The following DAG1 variants were observed in gnomAD, a reference collection of about 807,000 sequenced individuals.
DAG1 encodes the protein dystroglycan 1.
Under a neutral mutation model 46.1 loss-of-function variants are expected in DAG1, and 8 were observed. That is an observed-to-expected ratio of 0.17 (90% CI 0.10 to 0.31). DAG1 has a LOEUF of 0.31. DAG1 is among the 10% of genes least tolerant of loss of function. The pLI is 1.00. For synonymous variants in DAG1, 495 were observed against 481.8 expected (o/e 1.03, Z -0.36); for missense variants, 1,003 against 1,189.9 (o/e 0.84, Z 2.31).
In DAG1 at chr3:49,532,656, C is replaced by T. The variant is rs911089189; in HGVS notation, c.2145C>T (p.His715=). 4.3e-6 allele frequency: 7 copies of T among 1,614,038 alleles called. No homozygotes were observed. The African/African-American group carries it at 5.3e-5, about 12-fold the overall frequency. ...ITVTGSGSCR[H]LQFIPVVPPR... is the part of the protein sequence containing the mutation. Reference sequence around the variant, plus strand: ...TGACGGGCTCTGGCAGTTGTCGGCACCTACAGTTTATCCCTGTGGTACCAC... The same window carrying T: ...TGACGGGCTCTGGCAGTTGTCGGCATCTACAGTTTATCCCTGTGGTACCAC... Residue 715 remains histidine, a synonymous_variant, in exon 3 of 3, where the codon CAC becomes CAT. Coordinates refer to ENST00000308775, the MANE Select transcript of DAG1 (RefSeq NM_004393.6). This position sits in a 1 kb window ranked among gnomAD's most constrained non-coding sequence, Gnocchi z 5.4.
intron 1 of DAG1, among the ~76,000 whole-genome samples, chr3:49,502,273 A>T (rs2050473590): frequency 6.6e-6 from 1 of 152,242 alleles, no homozygotes; most frequent in Non-Finnish European, 1.5e-5. Context: ...GTTGAGAAGG[A>T]GTTCCTGGTG....
chr3:49,486,252 T>C (rs1030788355), intron 1 of DAG1, among the ~76,000 whole-genome samples: 1 of 151,984 alleles, frequency 6.6e-6, no homozygotes, highest in South Asian at 2.1e-4. Context: ...GGAGTCTTGC[T>C]CTGTCGCCCA....
At chr3:49,469,967 G>A (rs904823592), upstream of DAG1, among the ~76,000 whole-genome samples, 1 of 152,178 alleles carries the variant, frequency 6.6e-6, no homozygotes, top group Non-Finnish European at 1.5e-5. Flanking sequence ...GACCGGGACC[G>A]ACCGCCGGGG....
chr3:49,518,585 G>T (rs1032704601), intron 2 of DAG1, among the ~76,000 whole-genome samples: 1 of 152,212 alleles, frequency 6.6e-6, no homozygotes, highest in African/African-American at 2.4e-5. Flanking sequence ...TGCGCAGAGG[G>T]TATAGCCCCA....
At position 49,531,103 on chromosome 3, in the gene DAG1, G is replaced by A. The variant is rs1365285227; in HGVS notation, c.592G>A (p.Asp198Asn). Residue 198 changes from aspartate (D) to asparagine (N), a missense_variant, in exon 3 of 3, where the codon GAC (aspartate) becomes AAC (asparagine). Around this residue, in one of 3 missense-constraint regions of DAG1, gnomAD observed 52 missense variants for 96.7 expected, o/e 0.54. Transcript: ENST00000308775. This position sits in a 1 kb window ranked among gnomAD's most constrained non-coding sequence, Gnocchi z 7.0. ...VTVLTVILDADLTKMTPKQRI... is the reference protein window; with the variant it reads ...VTVLTVILDANLTKMTPKQRI... ...TGTTTTGACGGTGATTTTGGATGCCGACCTCACCAAGATGACCCCAAAGCA... is the reference window on the plus strand; with the variant it reads ...TGTTTTGACGGTGATTTTGGATGCCAACCTCACCAAGATGACCCCAAAGCA... 1.9e-6 allele frequency: 3 copies of A among 1,614,142 alleles called. No individual in the cohort carries two copies. Among genetic ancestry groups the A allele is most frequent in the African/African-American group, 1.3e-5 (1 of 75,036 alleles).
Position 49,530,901 on chromosome 3 carries a change from C to T in DAG1, c.390C>T (p.Tyr130=). ...TTGACACTGATAAGGGTGTGCATTA[C>T]ATTTCAGTGAGCGCTACACGGCTGG... The part of the protein sequence containing the change: ...LPLDTDKGVH[Y]ISVSATRLGA... Residue 130 remains tyrosine (Y), a synonymous_variant, in exon 3 of 3, where the codon TAC becomes TAT. Coordinates refer to ENST00000308775, the MANE Select transcript of DAG1 (RefSeq NM_004393.6). 3 of 1,614,172 alleles carry T rather than the reference C, an allele frequency of 1.9e-6. No homozygotes were observed. Among genetic ancestry groups the T allele is most frequent in the Non-Finnish European group, 2.5e-6 (3 of 1,180,020 alleles).
At chr3:49,478,970 C>T (rs900692919) in intron 1 of DAG1, among the ~76,000 whole-genome samples, 3 of 151,594 alleles carry the variant, frequency 2.0e-5, no homozygotes, top group East Asian at 1.9e-4. Context: ...CCCACCATCA[C>T]GCCGAGCTAA....
rs749090437 is a variant in DAG1, at chr3:49,531,405, C to T, written c.894C>T (p.His298=). ...AQLGYPVVGW[H]IANKKPPLPK... The stretch of plus-strand genomic sequence containing the variant: ...TTGGCTACCCTGTGGTGGGTTGGCA[C>T]ATCGCCAATAAGAAGCCCCCTCTTC... The change falls in exon 3 of 3, where the codon CAC becomes CAT. Residue 298 remains histidine, a synonymous_variant. Coordinates refer to ENST00000308775, the MANE Select transcript of DAG1 (RefSeq NM_004393.6). This position sits in a 1 kb window ranked among gnomAD's most constrained non-coding sequence, Gnocchi z 7.0. 1 of 1,614,134 alleles carries T rather than the reference C, an allele frequency of 6.2e-7. No individual in the cohort carries two copies. The highest frequency in any genetic ancestry group is 1.1e-5 in the South Asian group (1 of 91,080).
At chr3:49,506,955 A>G (rs2050621015) in intron 1 of DAG1, among the ~76,000 whole-genome samples, 1 of 151,864 alleles carries the variant, frequency 6.6e-6, no homozygotes, top group Non-Finnish European at 1.5e-5. Context: ...TCTAAAAAAG[A>G]AAAATGAAAA....
At chr3:49,528,247 T>C (rs2051237039) in intron 2 of DAG1, among the ~76,000 whole-genome samples, 1 of 149,604 alleles carries the variant, frequency 6.7e-6, no homozygotes, top group African/African-American at 2.4e-5. Flanking sequence ...AGCTTAGATT[T>C]TTCAGCCAAA....
chr3:49,522,545 TCCTCCCGCCTCAG>T (rs1205830028), intron 2 of DAG1, among the ~76,000 whole-genome samples: 1 of 144,982 alleles, frequency 6.9e-6, no homozygotes, highest in African/African-American at 2.6e-5. Context: ...CCTCAAGTGA[TCCTCCCGCCTCAG>T]CCTCCTGAGT....
At chr3:49,489,191 A>G (rs1307544897) in intron 1 of DAG1, among the ~76,000 whole-genome samples, 1 of 150,820 alleles carries the variant, frequency 6.6e-6, no homozygotes, top group Non-Finnish European at 1.5e-5. Context: ...TGCCTCCCGG[A>G]TTCAAGCGAT....
In DAG1 at chr3:49,534,242, G is replaced by A. The variant is rs2051448639; in HGVS notation, c.*1043G>A. 1 of 152,568 alleles carries A rather than the reference G, an allele frequency of 6.6e-6. No homozygotes were observed. Among genetic ancestry groups the A allele is most frequent in the Admixed American group, 6.5e-5 (1 of 15,276 alleles). 9.5% of individuals were successfully genotyped at this position (152,568 alleles called of 1,614,324 possible). ...ACGGTTTTTTGAAACACTCAGTGGG[G>A]GACATTTTGGTGAAGATGCAATATT... On this transcript the variant is annotated 3_prime_UTR_variant, in exon 3 of 3. Coordinates refer to ENST00000308775, the MANE Select transcript of DAG1 (RefSeq NM_004393.6).
chr3:49,485,896 G>T (rs2050012880), intron 1 of DAG1, among the ~76,000 whole-genome samples: 2 of 151,946 alleles, frequency 1.3e-5, no homozygotes, highest in Admixed American at 1.3e-4. Context: ...CCTAGCCTCA[G>T]GTGATCCTCT....
At chr3:49,469,726 G>A (rs545248266), upstream of DAG1, among the ~76,000 whole-genome samples, 2 of 152,326 alleles carry the variant, frequency 1.3e-5, no homozygotes, top group South Asian at 2.1e-4. Flanking sequence ...CGGGCAGCAA[G>A]GCTTTCATCC....
intron 2 of DAG1, among the ~76,000 whole-genome samples, chr3:49,520,229 A>G (rs1194826440): frequency 6.6e-6 from 1 of 152,206 alleles, no homozygotes; most frequent in East Asian, 1.9e-4. Context: ...CATGTTCCTC[A>G]TTAGCAGAAG....
intron 1 of DAG1, among the ~76,000 whole-genome samples, chr3:49,474,853 G>C (rs2049632631): frequency 6.6e-6 from 1 of 150,478 alleles, no homozygotes; most frequent in African/African-American, 2.4e-5. Context: ...TGTCACCCAG[G>C]CTGCATGGAG....
chr3:49,488,840 G>A (rs1311281798), intron 1 of DAG1: 1 of 152,082 alleles, frequency 6.6e-6, no homozygotes, highest in East Asian at 1.9e-4. Context: ...CTGACCTTAT[G>A]ATCTGCTTGC....
At chr3:49,517,226 C>A (rs2107722929) in intron 2 of DAG1, among the ~76,000 whole-genome samples, 1 of 152,084 alleles carries the variant, frequency 6.6e-6, no homozygotes, top group African/African-American at 2.4e-5. Context: ...ATCTCCTGAC[C>A]TTGTGGTCCG....
Sources: allele counts gnomAD v4.1 joint callset (sites outside exome capture counted in the v4.1 genomes callset), GRCh38; gene constraint gnomAD v4.1.1; regional missense constraint gnomAD v4.1.1; non-coding constraint Gnocchi (gnomAD v3.1); transcripts MANE v1.5; gene names NCBI Gene and HGNC (gene_info 2026-07-23, HGNC 2026-07-21).